ATAD2B: variants seen among roughly 807,000 people sequenced by gnomAD.
ATAD2B encodes ATPase family AAA domain containing 2B, also known as ATPase family AAA domain-containing protein 2B.
In ATAD2B, 40 loss-of-function variants were observed where a neutral mutation model predicts 167.6. That is an observed-to-expected ratio of 0.24 (90% confidence interval 0.19 to 0.31). The LOEUF (loss-of-function observed/expected upper bound fraction) is 0.31, where lower values mean the gene tolerates loss of function less well. ATAD2B is among the 10% of genes least tolerant of loss of function. ATAD2B has a pLI of 1.00. For missense variants in ATAD2B, 1,242 were observed against 1,757.2 expected (o/e 0.71, Z 5.24); for synonymous variants, 579 against 596.5 (o/e 0.97, Z 0.43).
the ATAD2B span, among the ~76,000 whole-genome samples, chr2:23,740,178 G>A: frequency 6.6e-6 from 1 of 152,086 alleles, no homozygotes; most frequent in Non-Finnish European, 1.5e-5. Context: ...AGAAAAAGAG[G>A]GAATCCTCCC....
intron 18 of ATAD2B, among the ~76,000 whole-genome samples, chr2:23,807,818 A>AT (rs1459818020): frequency 2.2e-5 from 1 of 45,476 alleles, no homozygotes; most frequent in Non-Finnish European, 5.1e-5. Context: ...TCCATCTTAA[A>AT]AAAAAAAAAA....
intron 1 of ATAD2B, among the ~76,000 whole-genome samples, chr2:23,907,575 AT>A (rs1248749799): frequency 5.9e-5 from 9 of 152,212 alleles, no homozygotes; most frequent in Non-Finnish European, 1.3e-4. Context: ...TGCCATCCCT[AT>A]CAAGCTACCA....
At chr2:23,688,890 C>G in the ATAD2B span, 1 of 152,442 alleles carries the variant, frequency 6.6e-6, no homozygotes, top group East Asian at 1.9e-4. Flanking sequence ...AGGACGCAGC[C>G]CTCGTCAGCG....
intron 13 of ATAD2B, chr2:23,856,394 T>A (rs1176713959): frequency 2.9e-6 from 1 of 350,368 alleles, no homozygotes; most frequent in Admixed American, 4.5e-5. Context: ...TTTCAGATTT[T>A]TGGATTTGGG....
the ATAD2B span, among the ~76,000 whole-genome samples, chr2:23,735,909 A>G: frequency 0.034 from 5,147 of 152,326 alleles, 106 homozygotes; most frequent in Non-Finnish European, 0.043. Flanking sequence ...AGAACTCTTT[A>G]ATTCCCTCTG....
intron 19 of ATAD2B, among the ~76,000 whole-genome samples, chr2:23,796,011 A>C (rs1179023977): frequency 6.6e-6 from 1 of 152,040 alleles, no homozygotes; most frequent in Non-Finnish European, 1.5e-5. Flanking sequence ...AGGCAGGAGG[A>C]TCACTTGAGA....
chr2:23,753,048 T>G (rs1252264353), intron 27 of ATAD2B, among the ~76,000 whole-genome samples: 1 of 152,146 alleles, frequency 6.6e-6, no homozygotes, highest in Non-Finnish European at 1.5e-5. Flanking sequence ...CCCGCACATT[T>G]TATTCAGGTG....
chr2:23,771,405 T>C (rs992964622), intron 22 of ATAD2B, among the ~76,000 whole-genome samples: 2 of 152,224 alleles, frequency 1.3e-5, no homozygotes, highest in Non-Finnish European at 2.9e-5. Context: ...TACTCTTTCA[T>C]CACTAGTATG....
At chr2:23,679,767 GGAGGGCA>G in the ATAD2B span, among the ~76,000 whole-genome samples, 9 of 152,338 alleles carry the variant, frequency 5.9e-5, no homozygotes, top group East Asian at 1.9e-4. Context: ...AGCCTCCGGA[GGAGGGCA>G]GAGGGCAGAG....
At chr2:23,706,039 G>A in the ATAD2B span, among the ~76,000 whole-genome samples, 3 of 152,240 alleles carry the variant, frequency 2.0e-5, no homozygotes, top group African/African-American at 7.2e-5. Flanking sequence ...GGAGCTCCCA[G>A]TCAAGTGGCT....
chr2:23,771,082 T>G (rs1334235601), intron 22 of ATAD2B, among the ~76,000 whole-genome samples: 1 of 152,238 alleles, frequency 6.6e-6, no homozygotes, highest in African/African-American at 2.4e-5. Flanking sequence ...ATGTTATTTT[T>G]TGATGTTATT....
chr2:23,751,927 T>A lies in ATAD2B; in HGVS notation c.*119A>T. 1.2e-6 allele frequency: 1 copy of A among 806,512 alleles called. No individual in the cohort carries two copies. The highest frequency in any genetic ancestry group is 2.9e-5 in the East Asian group (1 of 35,020). The allele number at this position is 806,512 out of a possible 1,614,324, so 50.0% of individuals were successfully genotyped here. On this transcript the variant is annotated 3_prime_UTR_variant, in exon 28 of 28. Coordinates refer to ENST00000238789, the MANE Select transcript of ATAD2B (RefSeq NM_017552.4). ...AAATTCAACAGAGAGAAAGAATGAG[T>A]GAGAGAGCACTTTACACCAAGGCTC...
downstream of ATAD2B, among the ~76,000 whole-genome samples, chr2:23,745,564 T>C (rs1674834452): frequency 6.6e-6 from 1 of 152,160 alleles, no homozygotes; most frequent in Non-Finnish European, 1.5e-5. Context: ...CACCACAAGA[T>C]AGGACCCCCC....
At position 23,749,551 on chromosome 2, in the gene ATAD2B, G is replaced by C. The variant is rs1675134023; in HGVS notation, c.*2495C>G. The C allele has an allele frequency of 6.6e-6, 1 of 152,058 alleles. No individual in the cohort carries two copies. The highest frequency in any genetic ancestry group is 2.1e-4 in the South Asian group (1 of 4,826). The allele number at this position is 152,058 out of a possible 1,614,324, so 9.4% of individuals were successfully genotyped here. A position where few individuals can be genotyped will look rare whatever the true frequency, so the allele number is the denominator to read the frequency against. On this transcript the variant is annotated 3_prime_UTR_variant, in exon 28 of 28. Transcript: ENST00000238789. The stretch of plus-strand genomic sequence containing the variant: ...TCTGTAAAATAAGCAAAACTGGTAA[G>C]TGTGTTTTTTTAATTGAGGGAAGGA...
In ATAD2B at chr2:23,798,164, T is replaced by A; in HGVS notation, c.2614A>T (p.Thr872Ser). The change falls in exon 19 of 28, where the codon ACC becomes TCC. Residue 872 changes from threonine to serine, a missense_variant. Around this residue, in one of 9 missense-constraint regions of ATAD2B, gnomAD observed 34 missense variants for 101.1 expected, o/e 0.34. Coordinates refer to ENST00000238789, the MANE Select transcript of ATAD2B (RefSeq NM_017552.4). ...TCTTCAGGCAGTTCACTGTACATGG[T>A]TTCAGAGGTAGACAATAAAAATATA... Reference protein sequence around the residue: ...SPIFLLSTSETMYSELPEEVK... With the variant: ...SPIFLLSTSESMYSELPEEVK... 6.3e-7 allele frequency: 1 copy of A among 1,590,050 alleles called. No homozygotes were observed. The highest frequency in any genetic ancestry group is 8.6e-7 in the Non-Finnish European group (1 of 1,163,438).
At chr2:23,876,150 C>T (rs905630131) in intron 7 of ATAD2B, among the ~76,000 whole-genome samples, 2 of 151,964 alleles carry the variant, frequency 1.3e-5, no homozygotes, top group Non-Finnish European at 2.9e-5. Context: ...GGTGCCACCA[C>T]GCCCAGCTAA....
Position 23,879,131 on chromosome 2 carries a change from C to G in ATAD2B, c.901+1508G>C, listed in dbSNP as rs550620953. On this transcript the variant is annotated intron_variant, in intron 7 of 27. Transcript: ENST00000238789. ...CTCATCATAAAACCCAGCCTTTCTA[C>G]TCCTTGGTATTTGTTAGAAATACAA... is the stretch of plus-strand genomic sequence containing the variant. Among the ~76,000 whole-genome samples the G allele has an allele frequency of 1.1e-4, 16 of 152,280 alleles. 1 individual carries two copies. In the South Asian group the frequency reaches 3.3e-3, roughly 32 times the overall value.
intron 6 of ATAD2B, among the ~76,000 whole-genome samples, chr2:23,881,384 GAC>G (rs1697879257): frequency 4.2e-5 from 2 of 47,746 alleles, no homozygotes; most frequent in Admixed American, 2.0e-4. Context: ...TTTTTTTTTT[GAC>G]ACAGAGTCTC....
In ATAD2B at chr2:23,877,496, G is replaced by A. The variant is rs1470679227; in HGVS notation, c.902-1592C>T. ...GTGACAGAGCAAGAAGGAAGGGAAGGGAAGGGAAGGGGAGGGAAGGGGAGG... is the reference window on the plus strand; with the variant it reads ...GTGACAGAGCAAGAAGGAAGGGAAGAGAAGGGAAGGGGAGGGAAGGGGAGG... On this transcript the variant is annotated intron_variant, in intron 7 of 27. Coordinates refer to ENST00000238789, the MANE Select transcript of ATAD2B (RefSeq NM_017552.4). 8.1e-5 allele frequency among the ~76,000 whole-genome samples: 9 copies of A among 111,092 alleles called. No homozygotes were observed. The South Asian group carries it at 3.0e-3, about 37-fold the overall frequency. The allele number at this position is 111,092 out of a possible 152,430, so 72.9% of individuals were successfully genotyped here.
Sources: allele counts gnomAD v4.1 joint callset (sites outside exome capture counted in the v4.1 genomes callset), GRCh38; gene constraint gnomAD v4.1.1; regional missense constraint gnomAD v4.1.1; transcripts MANE v1.5; gene names NCBI Gene and HGNC (gene_info 2026-07-23, HGNC 2026-07-21).